The following SYT13 variants were observed in gnomAD, a reference collection of about 807,000 sequenced individuals.
SYT13 encodes the protein synaptotagmin 13.
In SYT13, 21 loss-of-function variants were observed where a neutral mutation model predicts 38.6. The observed-to-expected ratio is 0.54, with a 90% CI of 0.39 to 0.78. The LOEUF (loss-of-function observed/expected upper bound fraction) is 0.78. Ranked by LOEUF, SYT13 falls within the 30% of genes least tolerant of loss-of-function variation. The pLI, the probability that SYT13 is intolerant of heterozygous loss-of-function variation, is 0.00. For missense variants in SYT13, 495 were observed against 548.7 expected (o/e 0.90, Z 0.98); for synonymous variants, 241 against 237.6 (o/e 1.01, Z -0.13).
Position 45,245,611 on chromosome 11 carries a change from G to A in SYT13, c.976+772C>T, listed in dbSNP as rs114436680. Among the ~76,000 whole-genome samples the A allele has an allele frequency of 2.9e-3, 443 of 152,322 alleles. 1 individual carries two copies. Among genetic ancestry groups the A allele is most frequent in the African/African-American group, 0.01 (423 of 41,580 alleles). On this transcript the variant is annotated intron_variant, in intron 5 of 5. Coordinates refer to ENST00000020926, the MANE Select transcript of SYT13 (RefSeq NM_020826.3). ...GAGACTTATTTATATCTTGCTAGGC[G>A]CATGTGGCTTCCAGTCCAGGTATTA...
intron 4 of SYT13, among the ~76,000 whole-genome samples, chr11:45,248,264 T>G (rs1854636566): frequency 6.6e-6 from 1 of 152,184 alleles, no homozygotes; most frequent in African/African-American, 2.4e-5. Context: ...ACATTGTCCA[T>G]CCCACTAGAA....
At chr11:45,245,900 G>A (rs1336814466) in intron 5 of SYT13, among the ~76,000 whole-genome samples, 1 of 152,218 alleles carries the variant, frequency 6.6e-6, no homozygotes, top group African/African-American at 2.4e-5. Flanking sequence ...GACTGGGGTG[G>A]GTGGCAGGAG....
At chr11:45,246,288 C>T in intron 5 of SYT13, 95 bp downstream of exon 5, 1 of 1,537,248 alleles carries the variant, frequency 6.5e-7, no homozygotes, top group Non-Finnish European at 8.8e-7. Context: ...CACCTCCCTG[C>T]TTACCTGTGA....
At position 45,242,115 on chromosome 11, in the gene SYT13, C is replaced by T. The variant is rs1380945032; in HGVS notation, c.*1937G>A. ...TTGTTGAAGGAATGAAGCCCTTACC[C>T]ATCTTGTCCAGAAATTCTGTCTTAG... is the stretch of plus-strand genomic sequence containing the variant. On this transcript the variant is annotated 3_prime_UTR_variant, in exon 6 of 6. Coordinates refer to ENST00000020926, the MANE Select transcript of SYT13 (RefSeq NM_020826.3). 6.6e-6 allele frequency: 1 copy of T among 152,150 alleles called. No individual in the cohort carries two copies. Among genetic ancestry groups the T allele is most frequent in the African/African-American group, 2.4e-5 (1 of 41,420 alleles). 9.4% of individuals were successfully genotyped at this position (152,150 alleles called of 1,614,324 possible).
At chr11:45,271,023 G>C (rs545298787) in intron 1 of SYT13, among the ~76,000 whole-genome samples, 1 of 152,134 alleles carries the variant, frequency 6.6e-6, no homozygotes, top group African/African-American at 2.4e-5. Context: ...CACCCTCAGA[G>C]AGTTTACCAT....
chr11:45,249,481 C>A (rs887113898), intron 4 of SYT13, among the ~76,000 whole-genome samples: 1 of 152,144 alleles, frequency 6.6e-6, no homozygotes, highest in Non-Finnish European at 1.5e-5. Flanking sequence ...TTCACAATAG[C>A]AGACTTGGAA....
At chr11:45,269,594 C>T in intron 1 of SYT13, 1 of 559,774 alleles carries the variant, frequency 1.8e-6, no homozygotes, top group African/African-American at 2.0e-5. Context: ...TCTATATACC[C>T]TAATATTAAC....
At chr11:45,281,455 C>T (rs1855072534) in intron 1 of SYT13, among the ~76,000 whole-genome samples, 1 of 152,070 alleles carries the variant, frequency 6.6e-6, no homozygotes, top group Non-Finnish European at 1.5e-5. Flanking sequence ...GACATGAGCT[C>T]AGGAATTTGA....
intron 1 of SYT13, among the ~76,000 whole-genome samples, chr11:45,280,724 A>G (rs1214955262): frequency 2.0e-5 from 3 of 152,224 alleles, no homozygotes; most frequent in Non-Finnish European, 2.9e-5. Flanking sequence ...GAGCCCTAAC[A>G]GTATGCACTC....
At chr11:45,255,946 C>T in intron 1 of SYT13, 55 bp from the exon 2 acceptor site, 1 of 1,568,292 alleles carries the variant, frequency 6.4e-7, no homozygotes, top group Non-Finnish European at 8.8e-7. Flanking sequence ...TGTCTGTTTC[C>T]CCCCATGGAA....
rs751083495 is a variant in SYT13 at position 45,252,770 on chromosome 11, T to C, written c.545-48A>G. ...AGGCGTGGGACTTTCTGAGGACAAG[T>C]GGAGGGGGCAGAAGCACGCCTTGCT... is the stretch of plus-strand genomic sequence containing the variant. On this transcript the variant is annotated intron_variant, in intron 3 of 5. Coordinates refer to ENST00000020926, the MANE Select transcript of SYT13 (RefSeq NM_020826.3). This position sits in a 1 kb window ranked among gnomAD's most constrained non-coding sequence, Gnocchi z 4.3. 1.3e-6 allele frequency: 2 copies of C among 1,517,276 alleles called. No individual in the cohort carries two copies. The highest frequency in any genetic ancestry group is 1.8e-6 in the Non-Finnish European group (2 of 1,127,398). The allele number at this position is 1,517,276 out of a possible 1,614,324, so 94.0% of individuals were successfully genotyped here. A position where few individuals can be genotyped will look rare whatever the true frequency, so the allele number is the denominator to read the frequency against.
chr11:45,274,744 C>A (rs896899895), intron 1 of SYT13, among the ~76,000 whole-genome samples: 2 of 152,192 alleles, frequency 1.3e-5, no homozygotes, highest in Non-Finnish European at 2.9e-5. Context: ...CCAAAACATC[C>A]TTCTTAATTC....
At position 45,252,409 on chromosome 11, in the gene SYT13, G is replaced by A. The variant is rs775539721; in HGVS notation, c.846+12C>T. On this transcript the variant is annotated intron_variant, in intron 4 of 5. Coordinates refer to ENST00000020926, the MANE Select transcript of SYT13 (RefSeq NM_020826.3). The surrounding 1 kb of genome is among the most constrained non-coding windows in gnomAD (Gnocchi z 4.3). ...GGCAGGTTTTACCTTTCTAACCCAG[G>A]GGTTACCCTACCTTCGCTGAAGTCT... is the stretch of plus-strand genomic sequence containing the variant. The A allele has an allele frequency of 4.5e-6, 7 of 1,559,258 alleles. No individual in the cohort carries two copies. In the South Asian group the frequency reaches 8.1e-5, roughly 18 times the overall value.
At chr11:45,285,951 C>G (rs1443951218) in intron 1 of SYT13, 74 bp downstream of exon 1, 1 of 1,547,428 alleles carries the variant, frequency 6.5e-7, no homozygotes, top group African/African-American at 1.3e-5. Context: ...CCGCCTCCCA[C>G]CCCAGTTCCC....
chr11:45,281,795 G>C (rs1855077654), intron 1 of SYT13, among the ~76,000 whole-genome samples: 1 of 152,204 alleles, frequency 6.6e-6, no homozygotes, highest in Non-Finnish European at 1.5e-5. Context: ...TCTGGCATTT[G>C]AAAAGACTCA....
chr11:45,248,859 T>C (rs559923475), intron 4 of SYT13, among the ~76,000 whole-genome samples: 6 of 152,156 alleles, frequency 3.9e-5, no homozygotes, highest in Non-Finnish European at 8.8e-5. Context: ...GGCTGCACCA[T>C]AGCCAGACAA....
chr11:45,271,164 G>C (rs1019488514), intron 1 of SYT13, among the ~76,000 whole-genome samples: 11 of 152,246 alleles, frequency 7.2e-5, no homozygotes, highest in Admixed American at 7.2e-4. Context: ...TCAGACACAG[G>C]GTGTTTGTTC....
chr11:45,255,676 G>A lies in SYT13; in HGVS notation c.399C>T (p.Leu133=), dbSNP rs746173634. 8 of 1,613,940 alleles carry A rather than the reference G, an allele frequency of 5.0e-6. No homozygotes were observed. The highest frequency in any genetic ancestry group is 5.9e-6 in the Non-Finnish European group (7 of 1,179,988). ...GCAGGAGACCCCTACCATTCTGAGG[G>A]AGGATGAACAGCTCCTCTGTGACCT... is the stretch of plus-strand genomic sequence containing the variant. ...KRQVTEELFI[L]PQNGVVEDVC... Residue 133 remains leucine, a synonymous_variant, in exon 2 of 6, where the codon CTC becomes CTT. Transcript: ENST00000020926.
chr11:45,248,562 G>C (rs1359104661), intron 4 of SYT13, among the ~76,000 whole-genome samples: 5 of 152,200 alleles, frequency 3.3e-5, no homozygotes, highest in Non-Finnish European at 7.3e-5. Flanking sequence ...TGGCTCTCCA[G>C]CTTTCTCAGT....
Sources: gnomAD v4.1 joint callset for allele counts (sites outside exome capture counted in the v4.1 genomes callset) on GRCh38, gnomAD v4.1.1 for gene constraint, Gnocchi (gnomAD v3.1) non-coding constraint, MANE v1.5 for transcripts, NCBI Gene and HGNC (gene_info 2026-07-23, HGNC 2026-07-21) for gene names.